RAB37: variants seen among roughly 807,000 people sequenced by gnomAD.
RAB37 encodes the protein RAB37, member RAS oncogene family, also known as ras-related protein Rab-37.
RAB37 carries 29 observed loss-of-function variants against 33.1 expected under a neutral mutation model. The observed-to-expected ratio is 0.88, with a 90% confidence interval of 0.65 to 1.20. RAB37 has a LOEUF of 1.20. Among genes scored for constraint, RAB37 ranks in the 50% most tolerant of loss-of-function variants. The pLI is 0.00. For synonymous variants in RAB37, 128 were observed against 119.5 expected (o/e 1.07, Z -0.47); for missense variants, 299 against 301.1 (o/e 0.99, Z 0.05).
At chr17:74,732,436 G>A (rs1329544124), upstream of RAB37, among the ~76,000 whole-genome samples, 2 of 148,202 alleles carry the variant, frequency 1.3e-5, no homozygotes, top group African/African-American at 5.0e-5. Flanking sequence ...TGGATAGCAG[G>A]GAGTCCCCTG....
At position 74,671,535 on chromosome 17, in the gene RAB37, A is replaced by G; in HGVS notation, c.-52A>G. On this transcript the variant is annotated 5_prime_UTR_variant, in exon 1 of 8. Transcript: ENST00000340415. This position sits in a 1 kb window ranked among gnomAD's most constrained non-coding sequence, Gnocchi z 5.0. ...GCGGAGCTCGAACCGAGCTCCTGGA[A>G]GCGCTGACGCAGAGCGCAGGGAGAG... 1 of 1,581,466 alleles carries G rather than the reference A, an allele frequency of 6.3e-7. No homozygotes were observed. Among genetic ancestry groups the G allele is most frequent in the South Asian group, 1.1e-5 (1 of 90,298 alleles).
chr17:74,743,066 C>A, intron 3 of RAB37, 63 bp from the exon 4 acceptor site: 2 of 1,469,144 alleles, frequency 1.4e-6, no homozygotes, highest in South Asian at 1.2e-5. Context: ...CAGGCCTGCT[C>A]CACCCAGCAC....
At chr17:74,731,941 C>T (rs2034388965) in intron 2 of RAB37, among the ~76,000 whole-genome samples, 1 of 151,706 alleles carries the variant, frequency 6.6e-6, no homozygotes, top group Non-Finnish European at 1.5e-5. Flanking sequence ...ACCTGGGAGG[C>T]GGAGGTTGCG....
intron 1 of RAB37, among the ~76,000 whole-genome samples, chr17:74,674,113 G>T (rs1446001632): frequency 1.3e-5 from 2 of 152,128 alleles, no homozygotes; most frequent in Non-Finnish European, 2.9e-5. Context: ...GTCTCAGTCT[G>T]TCACCCAGGC....
chr17:74,708,155 A>G (rs1401029790), intron 1 of RAB37, among the ~76,000 whole-genome samples: 3 of 151,728 alleles, frequency 2.0e-5, no homozygotes, highest in Non-Finnish European at 4.4e-5. Context: ...CTCAAAAAAA[A>G]AAAAAAGAAA....
chr17:74,684,593 G>A (rs2032017186), intron 1 of RAB37, among the ~76,000 whole-genome samples: 1 of 152,016 alleles, frequency 6.6e-6, no homozygotes, highest in South Asian at 2.1e-4. Context: ...TTTGAGAACA[G>A]CCTGACCAAC....
At chr17:74,736,980 G>T, upstream of RAB37, 3 of 1,572,146 alleles carry the variant, frequency 1.9e-6, no homozygotes, top group Non-Finnish European at 2.6e-6. Context: ...GGGCAAGCAA[G>T]CGACCACAGG....
intron 1 of RAB37, among the ~76,000 whole-genome samples, chr17:74,728,414 C>T (rs746670230): frequency 6.7e-6 from 1 of 150,198 alleles, no homozygotes; most frequent in Non-Finnish European, 1.5e-5. Context: ...TGTGTTCTTT[C>T]TATGTGTGCA....
At chr17:74,695,141 C>A in intron 1 of RAB37, 1 of 1,614,158 alleles carries the variant, frequency 6.2e-7, no homozygotes, top group African/African-American at 1.3e-5. Flanking sequence ...CCTCAGGGCC[C>A]CTGCCGGGGA....
At position 74,742,942 on chromosome 17, in the gene RAB37, C is replaced by T. The variant is rs1206403203; in HGVS notation, c.247-187C>T. Among the ~76,000 whole-genome samples the T allele has an allele frequency of 6.6e-6, 1 of 152,106 alleles. No individual in the cohort carries two copies. Among genetic ancestry groups the T allele is most frequent in the Non-Finnish European group, 1.5e-5 (1 of 68,018 alleles). ...GCTCGGCTGAGGAGATGATTTTGAA[C>T]GAGCTTGAGAAATCAGTAACTGCTA... On this transcript the variant is annotated intron_variant, in intron 3 of 8. Coordinates refer to ENST00000392613, the MANE Select transcript of RAB37 (RefSeq NM_001006638.3). The surrounding 1 kb of genome is among the most constrained non-coding windows in gnomAD (Gnocchi z 4.0).
At chr17:74,719,991 A>G (rs1199665613) in intron 1 of RAB37, among the ~76,000 whole-genome samples, 6 of 152,194 alleles carry the variant, frequency 3.9e-5, no homozygotes, top group Non-Finnish European at 8.8e-5. Context: ...TAAGTAACAT[A>G]TACACATTCA....
At chr17:74,704,897 A>T (rs908896240) in intron 1 of RAB37, 2 of 1,107,196 alleles carry the variant, frequency 1.8e-6, no homozygotes, top group African/African-American at 3.1e-5. Flanking sequence ...ATAGCTCCCA[A>T]ATCCAAGTTT....
At chr17:74,705,095 G>A (rs553311300) in intron 1 of RAB37, 24 of 657,578 alleles carry the variant, frequency 3.6e-5, no homozygotes, top group East Asian at 8.2e-5. Context: ...TCCACCCTAC[G>A]GCCAAGGTAA....
Position 74,671,657 on chromosome 17 carries a change from A to C in RAB37, c.71A>C (p.Lys24Thr). The change falls in exon 1 of 8, where the codon AAG becomes ACG. Residue 24 changes from lysine to threonine, a missense_variant and splice_region_variant. Lys to Thr is a moderately conservative substitution (Grantham distance 78). Coordinates refer to the RAB37 transcript ENST00000340415. The surrounding 1 kb of genome is among the most constrained non-coding windows in gnomAD (Gnocchi z 5.0). Reference sequence around the variant, plus strand: ...GACTTCAACGACCACGTCCTGCATAAGGTAAACATCTCCTGTATTCCTCAA... The same window carrying C: ...GACTTCAACGACCACGTCCTGCATACGGTAAACATCTCCTGTATTCCTCAA... 1 of 1,614,112 alleles carries C rather than the reference A, an allele frequency of 6.2e-7. No individual in the cohort carries two copies. The highest frequency in any genetic ancestry group is 8.5e-7 in the Non-Finnish European group (1 of 1,179,914).
rs2031699738 is a variant in RAB37 at position 74,671,370 on chromosome 17, G to C, written c.-217G>C. On this transcript the variant is annotated 5_prime_UTR_variant, in exon 1 of 8. Transcript: ENST00000340415. The surrounding 1 kb of genome is among the most constrained non-coding windows in gnomAD (Gnocchi z 5.0). ...GCACAACGGCGGAGTCGCTGTTCCT[G>C]GTGCTGAAACGCTCAGTCCTGGAAG... is the stretch of plus-strand genomic sequence containing the variant. The C allele has an allele frequency of 7.2e-6, 4 of 558,600 alleles. No individual in the cohort carries two copies. Among genetic ancestry groups the C allele is most frequent in the Non-Finnish European group, 1.3e-5 (4 of 312,796 alleles). The allele number at this position is 558,600 out of a possible 1,614,324, so 34.6% of individuals were successfully genotyped here.
At chr17:74,705,893 C>T (rs2143804611) in intron 1 of RAB37, among the ~76,000 whole-genome samples, 1 of 152,318 alleles carries the variant, frequency 6.6e-6, no homozygotes, top group Non-Finnish European at 1.5e-5. Flanking sequence ...CAACGCCTGG[C>T]CTGTATTTTC....
intron 1 of RAB37, among the ~76,000 whole-genome samples, chr17:74,706,747 G>C (rs577644324): frequency 1.3e-5 from 2 of 152,336 alleles, no homozygotes; most frequent in Admixed American, 1.3e-4. Flanking sequence ...CTCAGTGTCA[G>C]AGAGACCCTG....
chr17:74,737,858 C>G (rs532698179), intron 1 of RAB37, among the ~76,000 whole-genome samples: 126 of 152,328 alleles, frequency 8.3e-4, no homozygotes, highest in Middle Eastern at 3.4e-3. Flanking sequence ...CCATTCCACC[C>G]GCTGGAGGCA....
intron 1 of RAB37, among the ~76,000 whole-genome samples, chr17:74,719,311 A>C (rs1377422255): frequency 6.6e-6 from 1 of 152,112 alleles, no homozygotes; most frequent in Non-Finnish European, 1.5e-5. Context: ...TTAGCTGGGC[A>C]CAGTGGCATG....
Sources: gnomAD v4.1 joint callset for allele counts (sites outside exome capture counted in the v4.1 genomes callset) on GRCh38, gnomAD v4.1.1 for gene constraint, Gnocchi (gnomAD v3.1) non-coding constraint, MANE v1.5 for transcripts, NCBI Gene and HGNC (gene_info 2026-07-23, HGNC 2026-07-21) for gene names.